Variants in EYS observed in about 807,000 individuals in gnomAD.
EYS encodes the protein protein eyes shut homolog.
In EYS, 250 loss-of-function variants were observed where a neutral mutation model predicts 282.1. The ratio of observed to expected loss-of-function variants is 0.89; its 90% confidence interval spans 0.80 to 0.98. The LOEUF is 0.98. Ranked by LOEUF, EYS falls within the 50% of genes least tolerant of loss-of-function variation. The probability of loss-of-function intolerance (pLI) is 0.00; values close to 1 mark genes in which losing one functional copy is unlikely to be tolerated. For synonymous variants in EYS, 1,355 were observed against 1,282.9 expected, an observed-to-expected ratio of 1.06 and a Z score of -1.20; for missense variants, 4,016 against 3,709.0, an observed-to-expected ratio of 1.08 and a Z score of -2.15.
intron 36 of EYS, among the ~76,000 whole-genome samples, chr6:63,831,091 A>G (rs1303753165): frequency 6.6e-6 from 1 of 152,230 alleles, no homozygotes; most frequent in African/African-American, 2.4e-5. Flanking sequence ...AGGGAAAACC[A>G]GTACCAGCCA....
chr6:64,915,268 A>G (rs911989247), intron 15 of EYS, among the ~76,000 whole-genome samples: 5 of 152,130 alleles, frequency 3.3e-5, no homozygotes, highest in Admixed American at 1.3e-4. Flanking sequence ...AACTCATCAT[A>G]TATACTATCT....
intron 37 of EYS, among the ~76,000 whole-genome samples, chr6:63,794,187 G>C (rs1012789654): frequency 1.3e-5 from 2 of 152,140 alleles, no homozygotes; most frequent in African/African-American, 4.8e-5. Context: ...GTAAGCATTA[G>C]CCCACTGCCA....
At chr6:64,612,159 G>C (rs1290185251) in intron 24 of EYS, among the ~76,000 whole-genome samples, 1 of 152,000 alleles carries the variant, frequency 6.6e-6, no homozygotes, top group Non-Finnish European at 1.5e-5. Context: ...TCCTTCTGTA[G>C]AACTCAGAAC....
intron 35 of EYS, among the ~76,000 whole-genome samples, chr6:63,880,276 T>C (rs1244790965): frequency 6.6e-6 from 1 of 152,148 alleles, no homozygotes; most frequent in Non-Finnish European, 1.5e-5. Flanking sequence ...AAAAATGGCC[T>C]AGTCTTCCAG....
intron 2 of EYS, among the ~76,000 whole-genome samples, chr6:65,531,399 T>C (rs1385134069): frequency 6.6e-6 from 1 of 152,160 alleles, no homozygotes; most frequent in Non-Finnish European, 1.5e-5. Flanking sequence ...CAAAGGTCTA[T>C]GTTATGTTCA....
intron 1 of EYS, among the ~76,000 whole-genome samples, chr6:65,642,419 C>T (rs769241579): frequency 1.4e-4 from 21 of 152,026 alleles, no homozygotes; most frequent in Non-Finnish European, 2.6e-4. Flanking sequence ...TTGTTTCAGT[C>T]AACGGGGGCA....
intron 35 of EYS, among the ~76,000 whole-genome samples, chr6:63,874,087 G>A (rs1304754250): frequency 2.0e-5 from 3 of 152,054 alleles, no homozygotes; most frequent in Admixed American, 6.6e-5. Context: ...TGTCCTGAAT[G>A]GTATTGCCTA....
intron 31 of EYS, among the ~76,000 whole-genome samples, chr6:64,136,421 C>A (rs1774163087): frequency 6.6e-6 from 1 of 152,070 alleles, no homozygotes; most frequent in African/African-American, 2.4e-5. Context: ...TTAATGGCAT[C>A]TAGAATGGTG....
intron 36 of EYS, among the ~76,000 whole-genome samples, chr6:63,851,879 C>T (rs571208087): frequency 3.3e-4 from 50 of 152,006 alleles, no homozygotes; most frequent in African/African-American, 1.1e-3. Context: ...ATGAATTGGC[C>T]GGGCGCAGTG....
intron 26 of EYS, among the ~76,000 whole-genome samples, chr6:64,497,876 G>T (rs936204617): frequency 1.3e-5 from 2 of 152,128 alleles, no homozygotes; most frequent in Non-Finnish European, 2.9e-5. Flanking sequence ...TTTTGAGCCT[G>T]GGTGAACAAA....
At chr6:63,797,608 A>G (rs768294674) in intron 37 of EYS, 1 of 152,168 alleles carries the variant, frequency 6.6e-6, no homozygotes, top group Non-Finnish European at 1.5e-5. Context: ...TGTTGATGGG[A>G]CTATTCAGTT....
chr6:65,615,828 G>C (rs1328632120), intron 2 of EYS, among the ~76,000 whole-genome samples: 1 of 152,056 alleles, frequency 6.6e-6, no homozygotes. Context: ...CAGCTACTTG[G>C]GAGGCTGAGG....
intron 36 of EYS, among the ~76,000 whole-genome samples, chr6:63,847,192 C>G (rs1475194657): frequency 6.6e-6 from 1 of 152,104 alleles, no homozygotes; most frequent in South Asian, 2.1e-4. Flanking sequence ...TATATAAGAC[C>G]ACTTATCCTT....
rs192801918 is a variant in EYS at position 65,400,093 on chromosome 6, G to T, written c.1184+2385C>A. 4.1e-3 allele frequency among the ~76,000 whole-genome samples: 622 copies of T among 151,990 alleles called. 5 individuals are homozygous for T. The highest frequency in any genetic ancestry group is 0.014 in the African/African-American group (589 of 41,514). On this transcript the variant is annotated intron_variant, in intron 7 of 42. Transcript: ENST00000503581. ...AAATATACCTTGAAAAAATTTACCT[G>T]CTAGGGCCAAACAAGCAAGTAGGGG...
chr6:64,228,883 A>G (rs929828031), intron 31 of EYS, among the ~76,000 whole-genome samples: 2 of 152,140 alleles, frequency 1.3e-5, no homozygotes, highest in African/African-American at 4.8e-5. Context: ...TAAAGGAGAG[A>G]GAATTGGAGA....
chr6:65,431,424 T>C (rs1767883191), intron 5 of EYS, among the ~76,000 whole-genome samples: 1 of 152,174 alleles, frequency 6.6e-6, no homozygotes. Context: ...TTCAGCTTTT[T>C]TCCTTTGGTG....
chr6:64,066,636 G>A lies in EYS; in HGVS notation c.6572-145C>T, dbSNP rs181855564. 1.4e-4 allele frequency: 84 copies of A among 614,742 alleles called. No homozygotes were observed. The African/African-American group carries it at 1.5e-3, about 11-fold the overall frequency. The allele number at this position is 614,742 out of a possible 1,614,324, so 38.1% of individuals were successfully genotyped here. ...ATTAGATAATTATTCAGTGTAATAAGTACCATATTAGAAACGTACATTATT... is the reference window on the plus strand; with the variant it reads ...ATTAGATAATTATTCAGTGTAATAAATACCATATTAGAAACGTACATTATT... On this transcript the variant is annotated intron_variant, in intron 32 of 42. Transcript: ENST00000503581.
At chr6:64,290,189 T>C (rs1214902677) in intron 30 of EYS, among the ~76,000 whole-genome samples, 1 of 152,154 alleles carries the variant, frequency 6.6e-6, no homozygotes, top group Non-Finnish European at 1.5e-5. Flanking sequence ...GGCATTGTTA[T>C]GGCAACCAAG....
intron 22 of EYS, among the ~76,000 whole-genome samples, chr6:64,647,476 C>T (rs887967652): frequency 2.0e-5 from 3 of 152,206 alleles, no homozygotes; most frequent in Non-Finnish European, 1.5e-5. Flanking sequence ...GAAGAATACT[C>T]AACAACTTTA....
Sources: gnomAD v4.1 joint callset for allele counts (sites outside exome capture counted in the v4.1 genomes callset) on GRCh38, gnomAD v4.1.1 for gene constraint, MANE v1.5 for transcripts, NCBI Gene and HGNC (gene_info 2026-07-23, HGNC 2026-07-21) for gene names.